STAU1: variants seen among roughly 807,000 people sequenced by gnomAD.
STAU1 encodes double-stranded RNA-binding protein Staufen homolog 1.
STAU1 carries 13 observed loss-of-function variants against 62.9 expected under a neutral mutation model. The ratio of observed to expected loss-of-function variants is 0.21; its 90% CI spans 0.13 to 0.33. STAU1 has a LOEUF of 0.33. Among genes scored for constraint, STAU1 ranks in the 10% least tolerant of loss-of-function variants. The probability of loss-of-function intolerance (pLI) is 1.00; values close to 1 mark genes in which losing one functional copy is unlikely to be tolerated. For missense variants in STAU1, 571 were observed against 712.1 expected, an observed-to-expected ratio of 0.80 and a Z score of 2.25; for synonymous variants, 269 against 265.1, an observed-to-expected ratio of 1.01 and a Z score of -0.14.
At position 49,124,445 on chromosome 20, in the gene STAU1, T is replaced by C. The variant is rs1255503546; in HGVS notation, c.752A>G (p.Lys251Arg). The C allele has an allele frequency of 6.2e-7, 1 of 1,614,250 alleles. No individual in the cohort carries two copies. Among genetic ancestry groups the C allele is most frequent in the Non-Finnish European group, 8.5e-7 (1 of 1,180,050 alleles). Reference protein sequence around the residue: ...AAIAVLEELKKLPPLPAVERV... With the variant: ...AAIAVLEELKRLPPLPAVERV... ...TTCAACTGCAGGCAGGGGCGGTAAC[T>C]TCTTCAGCTCCTCAAGAACAGCTAT... The change falls in exon 7 of 14, where the codon AAG (lysine) becomes AGG (arginine). Residue 251 changes from lysine (K) to arginine (R), a missense_variant. Coordinates refer to ENST00000371856, the MANE Select transcript of STAU1 (RefSeq NM_017453.4).
chr20:49,149,345 C>A (rs935062697), intron 5 of STAU1, among the ~76,000 whole-genome samples: 3 of 149,508 alleles, frequency 2.0e-5, no homozygotes, highest in Non-Finnish European at 4.4e-5. Flanking sequence ...CACACACACA[C>A]CCCCAAGCAA....
At chr20:49,200,370 G>C in the STAU1 span, among the ~76,000 whole-genome samples, 91 of 152,216 alleles carry the variant, frequency 6.0e-4, 1 homozygote, top group Admixed American at 6.0e-3. Flanking sequence ...AGGCCGACGC[G>C]GGCGGATCAC....
the STAU1 span, among the ~76,000 whole-genome samples, chr20:49,199,326 G>A: frequency 6.6e-6 from 1 of 150,880 alleles, no homozygotes; most frequent in South Asian, 2.1e-4. Flanking sequence ...CACCTCCTGG[G>A]TTGAAGTGCT....
At chr20:49,181,297 G>A (rs1429517093) in intron 1 of STAU1, among the ~76,000 whole-genome samples, 2 of 152,132 alleles carry the variant, frequency 1.3e-5, no homozygotes, top group Non-Finnish European at 2.9e-5. Flanking sequence ...CATGGTAAGA[G>A]CTCAATAGCA....
intron 6 of STAU1, among the ~76,000 whole-genome samples, chr20:49,126,790 A>C (rs746637261): frequency 6.6e-6 from 1 of 151,924 alleles, no homozygotes; most frequent in Non-Finnish European, 1.5e-5. Context: ...TTTTTGGCAA[A>C]CACACCAAAA....
intron 1 of STAU1, among the ~76,000 whole-genome samples, chr20:49,175,968 G>T (rs1414020962): frequency 6.6e-6 from 1 of 151,396 alleles, no homozygotes; most frequent in Non-Finnish European, 1.5e-5. Context: ...CTAATTTTTT[G>T]TATTTTTAGT....
chr20:49,164,331 C>CT (rs2093494329), intron 3 of STAU1, among the ~76,000 whole-genome samples: 1 of 151,912 alleles, frequency 6.6e-6, no homozygotes, highest in Non-Finnish European at 1.5e-5. Context: ...GGGTCTCGCT[C>CT]TGTCTCCCAG....
chr20:49,115,745 C>G, intron 13 of STAU1, 37 bp downstream of exon 13: 1 of 1,547,780 alleles, frequency 6.5e-7, no homozygotes, highest in Non-Finnish European at 8.9e-7. Context: ...GGCAGCCTCC[C>G]CATCATCAGC....
chr20:49,156,739 C>A (rs1246322422), intron 3 of STAU1, among the ~76,000 whole-genome samples: 1 of 152,086 alleles, frequency 6.6e-6, no homozygotes, highest in Non-Finnish European at 1.5e-5. Context: ...GTCACTTGAA[C>A]CTTGAACACT....
chr20:49,149,095 A>G (rs2093186496), intron 5 of STAU1, among the ~76,000 whole-genome samples: 1 of 152,140 alleles, frequency 6.6e-6, no homozygotes, highest in South Asian at 2.1e-4. Flanking sequence ...TACTAAAAAT[A>G]CAAAAATTAG....
chr20:49,153,663 A>G (rs1201163939), intron 4 of STAU1, among the ~76,000 whole-genome samples: 1 of 138,762 alleles, frequency 7.2e-6, no homozygotes, highest in Non-Finnish European at 1.5e-5. Context: ...GTGAGCCGAG[A>G]CTGCACCACT....
chr20:49,186,639 C>G (rs898543989), intron 1 of STAU1, among the ~76,000 whole-genome samples: 2 of 151,912 alleles, frequency 1.3e-5, no homozygotes, highest in Middle Eastern at 3.2e-3. Context: ...TTTTAAAAAC[C>G]CAGTATGTTT....
chr20:49,134,084 C>T (rs1304871297), intron 6 of STAU1, among the ~76,000 whole-genome samples: 1 of 152,138 alleles, frequency 6.6e-6, no homozygotes, highest in Admixed American at 6.5e-5. Flanking sequence ...TCAAAAGAAT[C>T]TGCAAAGAAT....
At chr20:49,212,963 T>C in the STAU1 span, among the ~76,000 whole-genome samples, 2 of 152,022 alleles carry the variant, frequency 1.3e-5, no homozygotes, top group African/African-American at 4.8e-5. Flanking sequence ...CAACCATTTG[T>C]TGCTTAACAA....
At chr20:49,189,946 T>C (rs549863332), upstream of STAU1, among the ~76,000 whole-genome samples, 53 of 152,270 alleles carry the variant, frequency 3.5e-4, no homozygotes, top group African/African-American at 1.3e-3. Flanking sequence ...CCTCCTTACA[T>C]TGCTTCTTGT....
intron 3 of STAU1, among the ~76,000 whole-genome samples, chr20:49,165,197 A>G (rs957386826): frequency 6.6e-6 from 1 of 152,142 alleles, no homozygotes; most frequent in Non-Finnish European, 1.5e-5. Context: ...GGCACGCACC[A>G]CCATGCCCAG....
chr20:49,146,068 G>A (rs910022953), intron 5 of STAU1, among the ~76,000 whole-genome samples: 4 of 152,062 alleles, frequency 2.6e-5, no homozygotes, highest in Non-Finnish European at 1.5e-5. Context: ...TCAGGAGTTC[G>A]ACACCAGCCT....
At chr20:49,145,459 G>T (rs538364806) in intron 5 of STAU1, among the ~76,000 whole-genome samples, 1 of 144,014 alleles carries the variant, frequency 6.9e-6, no homozygotes, top group Non-Finnish European at 1.5e-5. Context: ...AAGACCAAGC[G>T]TGGTGGCTCA....
chr20:49,192,617 A>C (rs1891110767), upstream of STAU1, among the ~76,000 whole-genome samples: 1 of 151,692 alleles, frequency 6.6e-6, no homozygotes, highest in South Asian at 2.1e-4. Flanking sequence ...CCAACGTGGC[A>C]AAATCCCAAC....
Sources: gnomAD v4.1 joint callset for allele counts (sites outside exome capture counted in the v4.1 genomes callset) on GRCh38, gnomAD v4.1.1 for gene constraint, MANE v1.5 for transcripts, NCBI Gene and HGNC (gene_info 2026-07-23, HGNC 2026-07-21) for gene names.